Variants in EYS observed in about 807,000 individuals in gnomAD.
EYS encodes protein eyes shut homolog.
EYS carries 250 observed loss-of-function variants against 282.1 expected under a neutral mutation model. The ratio of observed to expected loss-of-function variants is 0.89; its 90% confidence interval spans 0.80 to 0.98. The LOEUF is 0.98. EYS is among the 50% of genes least tolerant of loss of function. The probability of loss-of-function intolerance (pLI) is 0.00; values close to 1 mark genes in which losing one functional copy is unlikely to be tolerated. For synonymous variants in EYS, 1,355 were observed against 1,282.9 expected, an observed-to-expected ratio of 1.06 and a Z score of -1.20; for missense variants, 4,016 against 3,709.0, an observed-to-expected ratio of 1.08 and a Z score of -2.15.
chr6:64,833,490 G>T (rs890571207), intron 19 of EYS, among the ~76,000 whole-genome samples: 11 of 151,812 alleles, frequency 7.2e-5, no homozygotes, highest in African/African-American at 2.7e-4. Flanking sequence ...CATTTCTTCT[G>T]TGACTATGCA....
chr6:64,360,826 C>A (rs911771075), intron 29 of EYS, among the ~76,000 whole-genome samples: 2 of 151,616 alleles, frequency 1.3e-5, no homozygotes, highest in East Asian at 2.0e-4. Flanking sequence ...GAGAAAGTAA[C>A]CATTTCTTAA....
At chr6:65,002,032 T>C (rs145218519) in intron 13 of EYS, among the ~76,000 whole-genome samples, 2,295 of 121,594 alleles carry the variant, frequency 0.019, 129 homozygotes, top group Admixed American at 0.064. Flanking sequence ...TATTAAAATA[T>C]TTATGAAGAA....
chr6:64,655,777 C>T (rs185118012), intron 22 of EYS, among the ~76,000 whole-genome samples: 22 of 152,056 alleles, frequency 1.4e-4, no homozygotes, highest in Non-Finnish European at 2.9e-4. Context: ...TCATACAGCT[C>T]TTACTTTATT....
At chr6:65,577,867 A>G (rs1270658163) in intron 2 of EYS, among the ~76,000 whole-genome samples, 1 of 151,960 alleles carries the variant, frequency 6.6e-6, no homozygotes, top group Admixed American at 6.6e-5. Flanking sequence ...AGAAATGTAA[A>G]TCAATCCACA....
chr6:64,293,292 A>T (rs759907765), intron 30 of EYS, among the ~76,000 whole-genome samples: 3 of 152,128 alleles, frequency 2.0e-5, no homozygotes, highest in Admixed American at 6.5e-5. Context: ...GTTACCACAA[A>T]TGTATAAAAA....
intron 1 of EYS, among the ~76,000 whole-genome samples, chr6:65,688,433 CAAG>C: frequency 6.6e-6 from 1 of 152,186 alleles, no homozygotes; most frequent in Middle Eastern, 3.4e-3. Flanking sequence ...AAAATTAATT[CAAG>C]ATGGATTAAA....
At position 63,970,373 on chromosome 6, in the gene EYS, C is replaced by T. The variant is rs146023703; in HGVS notation, c.7055+14010G>A. ...GGGATGGGTCTGGCCCAGTGGCTCA[C>T]GCCTGTAATCCCAGCACTTTGGGAG... On this transcript the variant is annotated intron_variant, in intron 35 of 42. Transcript: ENST00000503581. 5.5e-3 allele frequency among the ~76,000 whole-genome samples: 831 copies of T among 152,236 alleles called. 5 individuals are homozygous for T. The highest frequency in any genetic ancestry group is 0.019 in the African/African-American group (780 of 41,530).
At chr6:65,177,840 T>C (rs1223211048) in intron 12 of EYS, among the ~76,000 whole-genome samples, 1 of 151,914 alleles carries the variant, frequency 6.6e-6, no homozygotes, top group African/African-American at 2.4e-5. Flanking sequence ...TTACTTGATG[T>C]TACTCATTGT....
At chr6:63,824,722 CA>C (rs1771412995) in intron 36 of EYS, among the ~76,000 whole-genome samples, 1 of 152,114 alleles carries the variant, frequency 6.6e-6, no homozygotes. Context: ...AAGTGAAATA[CA>C]GGGGTAGAGG....
At chr6:65,266,161 T>C (rs971101869) in intron 12 of EYS, among the ~76,000 whole-genome samples, 4 of 151,940 alleles carry the variant, frequency 2.6e-5, no homozygotes, top group Non-Finnish European at 5.9e-5. Context: ...ATCCTTCAGA[T>C]AATTGGTATA....
intron 2 of EYS, among the ~76,000 whole-genome samples, chr6:65,558,780 G>T (rs1445944129): frequency 6.6e-6 from 1 of 152,178 alleles, no homozygotes; most frequent in Admixed American, 6.5e-5. Context: ...CATCAGCCTG[G>T]CCTATGTCTG....
chr6:64,105,258 G>A (rs1772969467), intron 31 of EYS, among the ~76,000 whole-genome samples: 1 of 151,958 alleles, frequency 6.6e-6, no homozygotes, highest in African/African-American at 2.4e-5. Context: ...TACGTGCCAG[G>A]CAATGCTCTC....
intron 22 of EYS, among the ~76,000 whole-genome samples, chr6:64,704,646 G>A (rs74952370): frequency 0.028 from 4,275 of 151,220 alleles, 127 homozygotes; most frequent in East Asian, 0.14. Flanking sequence ...GTGAAATATC[G>A]GTTATGACTC....
At chr6:64,192,379 G>A (rs1022575318) in intron 31 of EYS, among the ~76,000 whole-genome samples, 2 of 152,058 alleles carry the variant, frequency 1.3e-5, no homozygotes, top group Non-Finnish European at 2.9e-5. Context: ...ATTGCTTTTG[G>A]TGTTTTAGAC....
chr6:65,119,513 A>C (rs992934483), intron 12 of EYS, among the ~76,000 whole-genome samples: 17 of 151,992 alleles, frequency 1.1e-4, no homozygotes, highest in Admixed American at 7.9e-4. Flanking sequence ...GTCATCATTC[A>C]CCCAGATATA....
intron 5 of EYS, among the ~76,000 whole-genome samples, chr6:65,446,047 T>A (rs1485134957): frequency 1.3e-5 from 2 of 151,772 alleles, no homozygotes; most frequent in African/African-American, 4.8e-5. Context: ...GAGGTTTTTT[T>A]AATCAATCAT....
chr6:63,888,691 G>A (rs1007197429), intron 35 of EYS, among the ~76,000 whole-genome samples: 42 of 152,204 alleles, frequency 2.8e-4, no homozygotes, highest in Admixed American at 1.3e-4. Context: ...GTAAACCAGC[G>A]TAAAAAGGCT....
At chr6:64,375,305 A>T (rs1772526805) in intron 29 of EYS, among the ~76,000 whole-genome samples, 1 of 152,210 alleles carries the variant, frequency 6.6e-6, no homozygotes, top group African/African-American at 2.4e-5. Context: ...ACTTTACAGA[A>T]GCTGTCACTT....
At chr6:63,839,155 C>A (rs926263235) in intron 36 of EYS, among the ~76,000 whole-genome samples, 1 of 152,108 alleles carries the variant, frequency 6.6e-6, no homozygotes, top group Non-Finnish European at 1.5e-5. Context: ...AATGCTAGAA[C>A]TTTTCTCTGC....
Sources: gnomAD v4.1 joint callset for allele counts (sites outside exome capture counted in the v4.1 genomes callset) on GRCh38, gnomAD v4.1.1 for gene constraint, MANE v1.5 for transcripts, NCBI Gene and HGNC (gene_info 2026-07-23, HGNC 2026-07-21) for gene names.